The following KCND2 variants were observed in gnomAD, a reference collection of about 807,000 sequenced individuals.
The protein encoded by KCND2 is A-type voltage-gated potassium channel KCND2.
A neutral mutation model predicts 54.4 loss-of-function variants in KCND2; 16 were observed. The ratio of observed to expected loss-of-function variants is 0.29; its 90% CI spans 0.20 to 0.45. KCND2 has a LOEUF of 0.45. Among genes scored for constraint, KCND2 ranks in the 20% least tolerant of loss-of-function variants. The probability of loss-of-function intolerance (pLI) is 1.00; values close to 1 mark genes in which losing one functional copy is unlikely to be tolerated. For missense variants in KCND2, 486 were observed against 824.2 expected, an observed-to-expected ratio of 0.59 and a Z score of 5.02; for synonymous variants, 317 against 310.7, an observed-to-expected ratio of 1.02 and a Z score of -0.21.
chr7:120,509,169 C>T (rs2116328443), intron 1 of KCND2, among the ~76,000 whole-genome samples: 1 of 151,812 alleles, frequency 6.6e-6, no homozygotes, highest in East Asian at 1.9e-4. Context: ...CCAATGGGAA[C>T]TGAAGGAGTG....
intron 1 of KCND2, among the ~76,000 whole-genome samples, chr7:120,310,367 G>A (rs986675559): frequency 1.3e-5 from 2 of 151,990 alleles, no homozygotes; most frequent in Admixed American, 1.3e-4. Flanking sequence ...AGAATCTAAC[G>A]ACAATGAAGA....
At chr7:120,519,825 G>A (rs1030158016) in intron 1 of KCND2, among the ~76,000 whole-genome samples, 2 of 151,948 alleles carry the variant, frequency 1.3e-5, no homozygotes, top group Non-Finnish European at 2.9e-5. Flanking sequence ...TTTTACACTC[G>A]AGCCTGATCC....
At chr7:120,659,597 A>G (rs944397629) in intron 1 of KCND2, among the ~76,000 whole-genome samples, 4 of 152,220 alleles carry the variant, frequency 2.6e-5, no homozygotes, top group African/African-American at 9.6e-5. Context: ...TGTAGTGTTC[A>G]TTGCATACCA....
chr7:120,361,538 A>T (rs1800592879), intron 1 of KCND2, among the ~76,000 whole-genome samples: 1 of 152,022 alleles, frequency 6.6e-6, no homozygotes. Flanking sequence ...CATTTATTTG[A>T]GGATGGAGAG....
intron 1 of KCND2, among the ~76,000 whole-genome samples, chr7:120,305,938 T>C (rs779923316): frequency 1.3e-5 from 2 of 152,170 alleles, no homozygotes; most frequent in Non-Finnish European, 2.9e-5. Context: ...TGGCTTCACC[T>C]TTGGCAAGTT....
chr7:120,296,148 A>G (rs1799510590), intron 1 of KCND2, among the ~76,000 whole-genome samples: 3 of 152,206 alleles, frequency 2.0e-5, no homozygotes, highest in South Asian at 2.1e-4. Context: ...AAACTTATAT[A>G]TAGTCATTCA....
intron 1 of KCND2, among the ~76,000 whole-genome samples, chr7:120,669,214 A>C (rs1384468917): frequency 6.6e-6 from 1 of 152,104 alleles, no homozygotes; most frequent in East Asian, 1.9e-4. Context: ...GTGAAGTCCA[A>C]GAAGTAATGA....
chr7:120,732,038 A>T (rs1266354766), intron 1 of KCND2, among the ~76,000 whole-genome samples: 1 of 152,118 alleles, frequency 6.6e-6, no homozygotes, highest in Non-Finnish European at 1.5e-5. Flanking sequence ...ACCACTCAAG[A>T]TATGAATCTG....
intron 1 of KCND2, among the ~76,000 whole-genome samples, chr7:120,588,402 A>AATGTGTGTGTGT (rs1792627072): frequency 7.1e-6 from 1 of 141,314 alleles, no homozygotes; most frequent in African/African-American, 2.6e-5. Flanking sequence ...GCAACTGTGC[A>AATGTGTGTGTGT]GTGTGTGTGT....
chr7:120,339,423 A>G (rs1397064049), intron 1 of KCND2, among the ~76,000 whole-genome samples: 1 of 152,082 alleles, frequency 6.6e-6, no homozygotes, highest in Admixed American at 6.6e-5. Context: ...TATCCTATAT[A>G]CATAATTATT....
At chr7:120,529,910 T>C (rs1049134726) in intron 1 of KCND2, among the ~76,000 whole-genome samples, 1 of 152,120 alleles carries the variant, frequency 6.6e-6, no homozygotes, top group South Asian at 2.1e-4. Context: ...GATGAAACTC[T>C]GTCTCTAAAA....
At chr7:120,450,277 A>G (rs1802083045) in intron 1 of KCND2, among the ~76,000 whole-genome samples, 1 of 151,994 alleles carries the variant, frequency 6.6e-6, no homozygotes, top group Non-Finnish European at 1.5e-5. Flanking sequence ...GGGCATGGTG[A>G]CATATGCCTA....
chr7:120,555,758 T>C (rs897480805), intron 1 of KCND2, among the ~76,000 whole-genome samples: 3 of 152,230 alleles, frequency 2.0e-5, no homozygotes, highest in African/African-American at 7.2e-5. Context: ...AAGTTTCCAA[T>C]TGAGCTGCTC....
chr7:120,601,089 C>G (rs535099682), intron 1 of KCND2, among the ~76,000 whole-genome samples: 1 of 151,882 alleles, frequency 6.6e-6, no homozygotes, highest in East Asian at 1.9e-4. Flanking sequence ...CTGTGCAAAC[C>G]CTTATGCTAG....
chr7:120,339,547 G>C (rs1800209887), intron 1 of KCND2, among the ~76,000 whole-genome samples: 1 of 151,002 alleles, frequency 6.6e-6, no homozygotes. Context: ...GTGTCTGCGT[G>C]TGTGTCCAGG....
intron 1 of KCND2, among the ~76,000 whole-genome samples, chr7:120,708,391 G>T (rs966106276): frequency 6.6e-6 from 1 of 152,070 alleles, no homozygotes; most frequent in Admixed American, 6.6e-5. Context: ...AAATAGGTCA[G>T]CTAAATACCA....
intron 1 of KCND2, among the ~76,000 whole-genome samples, chr7:120,491,121 C>G (rs887096285): frequency 2.6e-5 from 4 of 152,046 alleles, no homozygotes; most frequent in Admixed American, 2.6e-4. Flanking sequence ...CAAAATTAAG[C>G]AGAAAATTTT....
chr7:120,550,323 T>TGG (rs1190899265), intron 1 of KCND2, among the ~76,000 whole-genome samples: 9 of 151,854 alleles, frequency 5.9e-5, no homozygotes, highest in Non-Finnish European at 1.2e-4. Context: ...GGGAAAAAAA[T>TGG]GAGGTAGCAC....
intron 1 of KCND2, among the ~76,000 whole-genome samples, chr7:120,467,882 G>T (rs1802401901): frequency 6.6e-6 from 1 of 151,810 alleles, no homozygotes; most frequent in African/African-American, 2.4e-5. Context: ...CCCAGATGGT[G>T]GTACCATCTG....
Sources: allele counts gnomAD v4.1 joint callset (sites outside exome capture counted in the v4.1 genomes callset), GRCh38; gene constraint gnomAD v4.1.1; transcripts MANE v1.5; gene names NCBI Gene and HGNC (gene_info 2026-07-23, HGNC 2026-07-21).